Variants in SPIDR observed in about 807,000 individuals in gnomAD.
SPIDR encodes the protein DNA repair-scaffolding protein.
SPIDR carries 93 observed loss-of-function variants against 104.6 expected under a neutral mutation model. The observed-to-expected ratio is 0.89, with a 90% CI of 0.75 to 1.06. The LOEUF (loss-of-function observed/expected upper bound fraction) is 1.06. SPIDR is among the 50% of genes least tolerant of loss of function. SPIDR has a pLI of 0.00. For synonymous variants in SPIDR, 431 were observed against 416.9 expected, an observed-to-expected ratio of 1.03 and a Z score of -0.41; for missense variants, 1,154 against 1,111.2, an observed-to-expected ratio of 1.04 and a Z score of -0.55.
chr8:47,559,207 A>G (rs2056759483), intron 8 of SPIDR, among the ~76,000 whole-genome samples: 1 of 152,266 alleles, frequency 6.6e-6, no homozygotes, highest in African/African-American at 2.4e-5. Flanking sequence ...ACAGAGGTTA[A>G]AAAACTCACT....
chr8:47,311,352 A>G (rs920772729), intron 5 of SPIDR, among the ~76,000 whole-genome samples: 1 of 152,204 alleles, frequency 6.6e-6, no homozygotes, highest in Non-Finnish European at 1.5e-5. Context: ...TCCTAGAAAT[A>G]GAGGCCAGGG....
At chr8:47,647,655 G>GGAGA (rs1463721076) in intron 10 of SPIDR, among the ~76,000 whole-genome samples, 3 of 50,168 alleles carry the variant, frequency 6.0e-5, no homozygotes, top group African/African-American at 1.5e-4. Flanking sequence ...AGAGAGAGAG[G>GGAGA]GAGAGAGAGA....
At chr8:47,277,313 TTGTTATGTTA>T (rs75609635) in intron 1 of SPIDR, among the ~76,000 whole-genome samples, 46,290 of 141,694 alleles carry the variant, frequency 0.33, 7,658 homozygotes, top group African/African-American at 0.37. Context: ...TATGTTATGT[TTGTTATGTTA>T]TGTTATGTTA....
chr8:47,288,076 G>A (rs916145834), intron 3 of SPIDR, among the ~76,000 whole-genome samples: 2 of 152,060 alleles, frequency 1.3e-5, no homozygotes, highest in Non-Finnish European at 2.9e-5. Context: ...GCTCCAGCTC[G>A]TCCCTCTGTT....
At chr8:47,524,216 G>T (rs867873336) in intron 8 of SPIDR, among the ~76,000 whole-genome samples, 1 of 152,076 alleles carries the variant, frequency 6.6e-6, no homozygotes, top group South Asian at 2.1e-4. Context: ...GGTAAATCAG[G>T]CGACTCTCCA....
chr8:47,444,758 G>A (rs2070229160), intron 8 of SPIDR, among the ~76,000 whole-genome samples: 1 of 152,192 alleles, frequency 6.6e-6, no homozygotes. Context: ...ATAGTAACCT[G>A]TAAAGGTTGA....
intron 8 of SPIDR, among the ~76,000 whole-genome samples, chr8:47,470,555 C>G (rs2075547225): frequency 6.6e-6 from 1 of 151,850 alleles, no homozygotes; most frequent in Non-Finnish European, 1.5e-5. Context: ...AACTGCTGGT[C>G]AGTTACGAGC....
At chr8:47,663,045 G>A (rs75679845) in intron 10 of SPIDR, among the ~76,000 whole-genome samples, 1 of 152,192 alleles carries the variant, frequency 6.6e-6, no homozygotes, top group Non-Finnish European at 1.5e-5. Flanking sequence ...TAAGACACCT[G>A]TCTTGTCTTT....
At chr8:47,550,679 G>A (rs944150411) in intron 8 of SPIDR, among the ~76,000 whole-genome samples, 4 of 152,158 alleles carry the variant, frequency 2.6e-5, no homozygotes, top group Non-Finnish European at 5.9e-5. Flanking sequence ...CTGAGACAAT[G>A]GGGTTTTCTA....
chr8:47,420,696 T>G (rs2065275231), intron 7 of SPIDR, among the ~76,000 whole-genome samples: 1 of 152,200 alleles, frequency 6.6e-6, no homozygotes, highest in Non-Finnish European at 1.5e-5. Context: ...GTTGATGCAG[T>G]TTCTTCTTAG....
chr8:47,283,786 T>A (rs1285003106), intron 2 of SPIDR, among the ~76,000 whole-genome samples: 2 of 152,158 alleles, frequency 1.3e-5, no homozygotes, highest in Admixed American at 6.5e-5. Flanking sequence ...TGAGCAGATA[T>A]TACACTGAAT....
intron 8 of SPIDR, among the ~76,000 whole-genome samples, chr8:47,455,086 A>G (rs1277610166): frequency 6.6e-6 from 1 of 152,158 alleles, no homozygotes; most frequent in Non-Finnish European, 1.5e-5. Flanking sequence ...GGTAAATGTA[A>G]AAGCCAATGT....
intron 1 of SPIDR, among the ~76,000 whole-genome samples, chr8:47,278,764 C>T (rs967527127): frequency 3.4e-4 from 51 of 152,222 alleles, no homozygotes; most frequent in Non-Finnish European, 5.6e-4. Flanking sequence ...CATGCCACCA[C>T]GCCTAGCTAA....
At chr8:47,604,898 T>C (rs1186127293) in intron 10 of SPIDR, among the ~76,000 whole-genome samples, 2 of 152,182 alleles carry the variant, frequency 1.3e-5, no homozygotes, top group Non-Finnish European at 2.9e-5. Flanking sequence ...GTTTGGGAGC[T>C]CTCAGCCTAT....
chr8:47,360,367 G>A (rs1404833925), intron 5 of SPIDR, among the ~76,000 whole-genome samples: 1 of 151,820 alleles, frequency 6.6e-6, no homozygotes, highest in African/African-American at 2.4e-5. Context: ...CTATTTCTCG[G>A]TAGTCCCTAA....
At chr8:47,479,565 T>TG (rs1391701029) in intron 8 of SPIDR, among the ~76,000 whole-genome samples, 2 of 151,814 alleles carry the variant, frequency 1.3e-5, no homozygotes, top group Admixed American at 1.3e-4. Context: ...CCAAGTAAAG[T>TG]GGGGCAGTAG....
rs935100110 is a variant in SPIDR at position 47,511,661 on chromosome 8, C to T, written c.1097+71119C>T. ...CCTGCCACATAAGCAGACTCTTCCT[C>T]TGGTGCTGCCCCAAGGCCATAGCCA... is the stretch of plus-strand genomic sequence containing the variant. On this transcript the variant is annotated intron_variant, in intron 8 of 19. Coordinates refer to ENST00000297423, the MANE Select transcript of SPIDR (RefSeq NM_001080394.4). 4.9e-6 allele frequency: 4 copies of T among 823,058 alleles called. 1 individual carries two copies. In the Admixed American group the frequency reaches 6.8e-5, roughly 14 times the overall value. The allele number at this position is 823,058 out of a possible 1,614,324, so 51.0% of individuals were successfully genotyped here.
At chr8:47,712,531 C>T in intron 14 of SPIDR, 131 bp from the exon 15 acceptor site, 1 of 1,075,824 alleles carries the variant, frequency 9.3e-7, no homozygotes. Context: ...TGTGCAAAGT[C>T]TAGTGTATGT....
chr8:47,650,045 G>A (rs1213442130), intron 10 of SPIDR, among the ~76,000 whole-genome samples: 1 of 152,146 alleles, frequency 6.6e-6, no homozygotes, highest in Non-Finnish European at 1.5e-5. Context: ...TTGATAACTG[G>A]AACAAGACAA....
Sources: allele counts gnomAD v4.1 joint callset (sites outside exome capture counted in the v4.1 genomes callset), GRCh38; gene constraint gnomAD v4.1.1; transcripts MANE v1.5; gene names NCBI Gene and HGNC (gene_info 2026-07-23, HGNC 2026-07-21).